The following NVL variants were observed in gnomAD, a reference collection of about 807,000 sequenced individuals.
The protein encoded by NVL is nuclear VCP like.
Under a neutral mutation model 110.2 loss-of-function variants are expected in NVL, and 84 were observed. The observed-to-expected ratio is 0.76, with a 90% CI of 0.64 to 0.91. The LOEUF (loss-of-function observed/expected upper bound fraction) is 0.91, where lower values mean the gene tolerates loss of function less well. Ranked by LOEUF, NVL falls within the 40% of genes least tolerant of loss-of-function variation. The pLI is 0.00. For missense variants in NVL, 882 were observed against 1,035.9 expected (o/e 0.85, Z 2.04); for synonymous variants, 354 against 361.1 (o/e 0.98, Z 0.22).
chr1:224,231,755 G>C (rs530488337), intron 21 of NVL, among the ~76,000 whole-genome samples: 1 of 151,570 alleles, frequency 6.6e-6, no homozygotes, highest in South Asian at 2.1e-4. Context: ...GGTCGGGCGC[G>C]GTGGCTCAGG....
In NVL at chr1:224,306,481, T is replaced by C. The variant is rs189868162; in HGVS notation, c.616-1315A>G. Among the ~76,000 whole-genome samples the C allele has an allele frequency of 1.3e-3, 204 of 152,248 alleles. 1 individual carries two copies. The highest frequency in any genetic ancestry group is 2.2e-3 in the Non-Finnish European group (148 of 68,006). On this transcript the variant is annotated intron_variant, in intron 6 of 22. Coordinates refer to ENST00000281701, the MANE Select transcript of NVL (RefSeq NM_002533.4). The stretch of plus-strand genomic sequence containing the variant: ...CAGGGTTTCACTGTGTTAGCCAGGA[T>C]GGTCTCAATCTCCTGACCTCATGAT...
intron 18 of NVL, among the ~76,000 whole-genome samples, chr1:224,255,667 C>T (rs1226362380): frequency 6.6e-6 from 1 of 152,176 alleles, no homozygotes; most frequent in African/African-American, 2.4e-5. Context: ...ACCTCAGTCT[C>T]CTGAGTAGCT....
intron 5 of NVL, among the ~76,000 whole-genome samples, chr1:224,310,837 C>T (rs1419688089): frequency 2.0e-5 from 3 of 151,948 alleles, no homozygotes; most frequent in African/African-American, 7.2e-5. Flanking sequence ...CTCAAGCGAT[C>T]CTCCAGCCTC....
At chr1:224,231,124 C>T (rs1429941242) in intron 22 of NVL, 102 bp downstream of exon 22, 3 of 769,820 alleles carry the variant, frequency 3.9e-6, no homozygotes, top group Admixed American at 4.4e-5. Flanking sequence ...CAGAGCAAGA[C>T]TCCGTCTCAA....
At chr1:224,290,735 G>A (rs1459260266) in intron 12 of NVL, among the ~76,000 whole-genome samples, 3 of 150,418 alleles carry the variant, frequency 2.0e-5, no homozygotes, top group East Asian at 3.9e-4. Context: ...CTGGGAGGCG[G>A]AGCTTGCAGT....
chr1:224,230,943 C>T (rs1055736627), intron 22 of NVL, among the ~76,000 whole-genome samples: 14 of 151,986 alleles, frequency 9.2e-5, no homozygotes, highest in African/African-American at 3.4e-4. Flanking sequence ...ACCATCCTGG[C>T]TAACATGGTG....
chr1:224,305,088 T>TCTTCCTTTTG lies in NVL; in HGVS notation c.684_693dup (p.Lys232GlnfsTer15). 1 of 1,613,964 alleles carries TCTTCCTTTTG rather than the reference T, an allele frequency of 6.2e-7. No homozygotes were observed. The highest frequency in any genetic ancestry group is 1.7e-5 in the Admixed American group (1 of 60,026). On this transcript the variant is annotated frameshift_variant, in exon 7 of 23. Transcript: ENST00000281701. LOFTEE classifies it high-confidence loss of function. ...CCATCTACTTCCTGAAGATCTTCTTTCTTCCTTTTGCTTCCTTTATTCTTT... is the reference window on the plus strand; with the variant it reads ...CCATCTACTTCCTGAAGATCTTCTTTCTTCCTTTTGCTTCCTTTTGCTTCCTTTATTCTTT...
rs372125800 is a variant in NVL, at chr1:224,307,942, T to C, written c.615+49A>G. ...ATTGATATTATATTCAACTAAAAGG[T>C]TGAAATGTACTTCGATGATATGGGG... On this transcript the variant is annotated intron_variant, in intron 6 of 22. Transcript: ENST00000281701. 1.5e-5 allele frequency: 22 copies of C among 1,493,386 alleles called. No individual in the cohort carries two copies. The African/African-American group carries it at 1.5e-4, about 10-fold the overall frequency. 92.5% of individuals were successfully genotyped at this position (1,493,386 alleles called of 1,614,324 possible). A position where few individuals can be genotyped will look rare whatever the true frequency, so the allele number is the denominator to read the frequency against.
At position 224,311,871 on chromosome 1, in the gene NVL, G is replaced by A. The variant is rs761935194; in HGVS notation, c.285-14C>T. On this transcript the variant is annotated splice_polypyrimidine_tract_variant and intron_variant, in intron 4 of 22. Transcript: ENST00000281701. Reference sequence around the variant, plus strand: ...CTTTCAGTATACCTCAGTAAAAGGAGGGAAAAATGTTTTAAAGACTTTCTC... The same window carrying A: ...CTTTCAGTATACCTCAGTAAAAGGAAGGAAAAATGTTTTAAAGACTTTCTC... 5 of 1,603,460 alleles carry A rather than the reference G, an allele frequency of 3.1e-6. No homozygotes were observed. The highest frequency in any genetic ancestry group is 4.3e-6 in the Non-Finnish European group (5 of 1,171,766).
chr1:224,313,857 G>T (rs1450883129), intron 4 of NVL, among the ~76,000 whole-genome samples: 2 of 152,040 alleles, frequency 1.3e-5, no homozygotes, highest in African/African-American at 4.8e-5. Flanking sequence ...ACAAAAATTG[G>T]CCAGCAGTGG....
chr1:224,307,604 G>A (rs577690766), intron 6 of NVL, among the ~76,000 whole-genome samples: 1 of 151,854 alleles, frequency 6.6e-6, no homozygotes, highest in Admixed American at 6.6e-5. Context: ...GGAGGCTGAG[G>A]TGGGGGATGG....
At chr1:224,230,342 C>T (rs763425611) in intron 22 of NVL, among the ~76,000 whole-genome samples, 44 of 152,276 alleles carry the variant, frequency 2.9e-4, no homozygotes, top group Non-Finnish European at 4.1e-4. Flanking sequence ...CAGTGGCTCA[C>T]GCCTGTAATC....
At chr1:224,232,599 ATCC>A (rs1205355915) in intron 21 of NVL, among the ~76,000 whole-genome samples, 1 of 152,036 alleles carries the variant, frequency 6.6e-6, no homozygotes, top group African/African-American at 2.4e-5. Flanking sequence ...GGCTCAAGCA[ATCC>A]TCCTGCCGCA....
At chr1:224,325,635 A>C (rs1049615163) in intron 2 of NVL, among the ~76,000 whole-genome samples, 2 of 152,106 alleles carry the variant, frequency 1.3e-5, no homozygotes, top group Non-Finnish European at 2.9e-5. Context: ...TGGGAAGCTG[A>C]GGCAGGAGAA....
chr1:224,233,305 A>G lies in NVL; in HGVS notation c.2367-16T>C. On this transcript the variant is annotated splice_polypyrimidine_tract_variant and intron_variant, in intron 20 of 22. Transcript: ENST00000281701. The stretch of plus-strand genomic sequence containing the variant: ...ATCTGCGCCCCTACAATAAAATAAT[A>G]GTTATCTACTTATTCTTAGATACTG... 1 of 1,584,224 alleles carries G rather than the reference A, an allele frequency of 6.3e-7. No homozygotes were observed. Among genetic ancestry groups the G allele is most frequent in the Non-Finnish European group, 8.6e-7 (1 of 1,167,176 alleles).
At chr1:224,268,444 G>C (rs932977859) in intron 17 of NVL, among the ~76,000 whole-genome samples, 1 of 152,040 alleles carries the variant, frequency 6.6e-6, no homozygotes, top group South Asian at 2.1e-4. Context: ...TGATGTTTTC[G>C]AGTTACTCAA....
chr1:224,316,846 T>TG (rs1670129385), intron 4 of NVL, among the ~76,000 whole-genome samples: 1 of 151,892 alleles, frequency 6.6e-6, no homozygotes, highest in African/African-American at 2.4e-5. Flanking sequence ...ACTTTAAAAA[T>TG]GAAGAGGTTG....
intron 9 of NVL, among the ~76,000 whole-genome samples, chr1:224,301,133 T>G (rs560468003): frequency 2.6e-5 from 4 of 151,968 alleles, no homozygotes; most frequent in Non-Finnish European, 5.9e-5. Context: ...AACGGTTTCA[T>G]GCAAACACAT....
intron 18 of NVL, chr1:224,257,234 G>T: frequency 2.3e-6 from 1 of 430,804 alleles, no homozygotes; most frequent in East Asian, 6.2e-5. Context: ...GCCTGAAAAA[G>T]AACCCTCCTT....
Sources: allele counts gnomAD v4.1 joint callset (sites outside exome capture counted in the v4.1 genomes callset), GRCh38; gene constraint gnomAD v4.1.1; transcripts MANE v1.5; gene names NCBI Gene and HGNC (gene_info 2026-07-23, HGNC 2026-07-21).